The following ZMYM4 variants were observed in gnomAD, a reference collection of about 807,000 sequenced individuals.
ZMYM4 encodes the protein zinc finger MYM-type protein 4.
In ZMYM4, 31 loss-of-function variants were observed where a neutral mutation model predicts 183.2. The observed-to-expected ratio is 0.17, with a 90% CI of 0.13 to 0.23. The LOEUF (loss-of-function observed/expected upper bound fraction) is 0.23. Among genes scored for constraint, ZMYM4 ranks in the 10% least tolerant of loss-of-function variants. The pLI, the probability that ZMYM4 is intolerant of heterozygous loss-of-function variation, is 1.00. For missense variants in ZMYM4, 1,273 were observed against 1,840.3 expected (o/e 0.69, Z 5.64); for synonymous variants, 592 against 631.2 (o/e 0.94, Z 0.93).
In ZMYM4 at chr1:35,405,162, C is replaced by T. The variant is rs751513900; in HGVS notation, c.3668C>T (p.Ala1223Val). ...AAGAACTGGGTTCAGTGGAAAAATG[C>T]CAAGGAAGAGCAGGGGGATCTAAAA... ...AWKNWVQWKNAKEEQGDLKCG... is the reference protein window; with the variant it reads ...AWKNWVQWKNVKEEQGDLKCG... Residue 1223 changes from alanine (A) to valine (V), a missense_variant, in exon 24 of 30, where the codon GCC becomes GTC. Around this residue, in one of 6 missense-constraint regions of ZMYM4, gnomAD observed 133 missense variants for 155.7 expected, o/e 0.85. Transcript: ENST00000314607. 1.2e-6 allele frequency: 2 copies of T among 1,613,784 alleles called. No homozygotes were observed. The highest frequency in any genetic ancestry group is 8.5e-7 in the Non-Finnish European group (1 of 1,179,944).
chr1:35,332,335 G>A (rs143985580), intron 2 of ZMYM4, among the ~76,000 whole-genome samples: 2 of 151,560 alleles, frequency 1.3e-5, no homozygotes, highest in Admixed American at 1.3e-4. Context: ...ATAACTAATG[G>A]TGTAAAACAC....
chr1:35,385,648 C>G, intron 10 of ZMYM4, 56 bp downstream of exon 10: 1 of 1,526,416 alleles, frequency 6.6e-7, no homozygotes, highest in African/African-American at 1.4e-5. Context: ...ATGGTTATTG[C>G]TTTGTTTTTA....
At chr1:35,294,150 G>A (rs1640897899) in intron 1 of ZMYM4, among the ~76,000 whole-genome samples, 2 of 150,720 alleles carry the variant, frequency 1.3e-5, no homozygotes, top group South Asian at 2.1e-4. Context: ...AAAAAAAAAG[G>A]AATCAAAATG....
intron 1 of ZMYM4, among the ~76,000 whole-genome samples, chr1:35,307,696 G>A (rs908107078): frequency 1.9e-4 from 29 of 151,248 alleles, no homozygotes; most frequent in African/African-American, 6.1e-4. Context: ...CACCACGCCC[G>A]GCTAATTTTT....
intron 1 of ZMYM4, among the ~76,000 whole-genome samples, chr1:35,286,398 G>A (rs1640482095): frequency 6.6e-6 from 1 of 152,026 alleles, no homozygotes; most frequent in Non-Finnish European, 1.5e-5. Context: ...AATAGAACCA[G>A]GCTCATCTAT....
chr1:35,316,505 C>A (rs759648113), intron 1 of ZMYM4, among the ~76,000 whole-genome samples: 17 of 152,210 alleles, frequency 1.1e-4, no homozygotes, highest in Non-Finnish European at 1.5e-4. Flanking sequence ...TAGCAGATGT[C>A]TCACGAGCAG....
chr1:35,381,233 T>G, intron 7 of ZMYM4, 26 bp from the exon 8 acceptor site: 1 of 1,541,986 alleles, frequency 6.5e-7, no homozygotes, highest in Non-Finnish European at 8.8e-7. Flanking sequence ...ATACCATGGC[T>G]TATGTTATTT....
intron 2 of ZMYM4, among the ~76,000 whole-genome samples, chr1:35,341,194 A>G (rs1643188573): frequency 6.6e-6 from 1 of 152,102 alleles, no homozygotes; most frequent in Non-Finnish European, 1.5e-5. Flanking sequence ...CTGCTGGGTC[A>G]AGCCACTGTC....
chr1:35,411,840 T>G (rs180900271), intron 26 of ZMYM4, among the ~76,000 whole-genome samples: 106 of 152,270 alleles, frequency 7.0e-4, no homozygotes, highest in African/African-American at 2.1e-3. Context: ...TCTTCTCAAG[T>G]ATTTTATTCT....
At chr1:35,309,261 A>G (rs529415636) in intron 1 of ZMYM4, among the ~76,000 whole-genome samples, 1 of 152,290 alleles carries the variant, frequency 6.6e-6, no homozygotes, top group East Asian at 1.9e-4. Flanking sequence ...CTTTGAATGC[A>G]TTTTTGTAAA....
intron 26 of ZMYM4, among the ~76,000 whole-genome samples, chr1:35,408,854 A>T (rs1417816127): frequency 6.6e-6 from 1 of 152,212 alleles, no homozygotes; most frequent in African/African-American, 2.4e-5. Flanking sequence ...GTACATTCTT[A>T]ATGTGCAGTC....
rs1193065270 is a variant in ZMYM4 at position 35,405,403 on chromosome 1, C to T, written c.3731C>T (p.Ser1244Phe). 2 of 1,613,512 alleles carry T rather than the reference C, an allele frequency of 1.2e-6. No homozygotes were observed. The highest frequency in any genetic ancestry group is 1.7e-6 in the Non-Finnish European group (2 of 1,179,874). ...GAACAGGCCTCATCTAGCCCACGTT[C>T]TGACCCCTTAGGAAGTACTCAAGAC... Reference protein sequence around the residue: ...GVEQASSSPRSDPLGSTQDHA... With the variant: ...GVEQASSSPRFDPLGSTQDHA... Residue 1244 changes from serine to phenylalanine, a missense_variant, in exon 25 of 30, where the codon TCT (serine) becomes TTT (phenylalanine). Physicochemically the swap from Ser to Phe is radical, Grantham distance 155 (BLOSUM62 -2). Coordinates refer to ENST00000314607, the MANE Select transcript of ZMYM4 (RefSeq NM_005095.3).
intron 1 of ZMYM4, among the ~76,000 whole-genome samples, chr1:35,313,910 CT>C (rs1214024088): frequency 1.3e-5 from 2 of 152,096 alleles, no homozygotes; most frequent in African/African-American, 4.8e-5. Flanking sequence ...CTAACTGGGC[CT>C]AAATTTAAAA....
intron 7 of ZMYM4, among the ~76,000 whole-genome samples, chr1:35,377,503 A>T (rs1644360828): frequency 6.6e-6 from 1 of 152,178 alleles, no homozygotes; most frequent in Non-Finnish European, 1.5e-5. Flanking sequence ...GATATTCAGG[A>T]TTTGGTTCCA....
chr1:35,383,715 T>C (rs1177266941), intron 9 of ZMYM4, among the ~76,000 whole-genome samples: 1 of 152,222 alleles, frequency 6.6e-6, no homozygotes, highest in East Asian at 1.9e-4. Context: ...ATCTTAATTT[T>C]AAATTTATTC....
chr1:35,376,500 A>G (rs1644336704), intron 7 of ZMYM4, among the ~76,000 whole-genome samples: 1 of 152,104 alleles, frequency 6.6e-6, no homozygotes, highest in African/African-American at 2.4e-5. Flanking sequence ...ATGGCACGTT[A>G]TTCGTGTCTT....
chr1:35,418,648 C>T (rs902698139), intron 29 of ZMYM4, 76 bp downstream of exon 29: 105 of 1,568,480 alleles, frequency 6.7e-5, no homozygotes, highest in Non-Finnish European at 8.9e-5. Context: ...GCTTGAACAT[C>T]AGAAAAGTAG....
At chr1:35,398,076 G>GA (rs1644840817) in intron 20 of ZMYM4, among the ~76,000 whole-genome samples, 1 of 152,160 alleles carries the variant, frequency 6.6e-6, no homozygotes, top group African/African-American at 2.4e-5. Flanking sequence ...ATGGGGTGGG[G>GA]AGGGGGTACT....
chr1:35,379,846 G>A (rs544971351), intron 7 of ZMYM4, among the ~76,000 whole-genome samples: 1 of 152,316 alleles, frequency 6.6e-6, no homozygotes, highest in East Asian at 1.9e-4. Context: ...GGTCAATGGA[G>A]CAGTCAGAAC....
Sources: gnomAD v4.1 joint callset for allele counts (sites outside exome capture counted in the v4.1 genomes callset) on GRCh38, gnomAD v4.1.1 for gene constraint, gnomAD v4.1.1 regional missense constraint, MANE v1.5 for transcripts, NCBI Gene and HGNC (gene_info 2026-07-23, HGNC 2026-07-21) for gene names.